Variants in PPM1E observed in about 807,000 individuals in gnomAD.
PPM1E encodes protein phosphatase 1E.
In PPM1E, 20 loss-of-function variants were observed where a neutral mutation model predicts 65.9. The observed-to-expected ratio is 0.30, with a 90% confidence interval of 0.21 to 0.44. PPM1E has a LOEUF of 0.44. Ranked by LOEUF, PPM1E falls within the 20% of genes least tolerant of loss-of-function variation. The pLI is 1.00. For missense variants in PPM1E, 713 were observed against 953.1 expected, an observed-to-expected ratio of 0.75 and a Z score of 3.32; for synonymous variants, 352 against 374.9, an observed-to-expected ratio of 0.94 and a Z score of 0.70.
At chr17:58,776,025 TTAAAAA>T (rs1338659472) in intron 1 of PPM1E, among the ~76,000 whole-genome samples, 1 of 150,690 alleles carries the variant, frequency 6.6e-6, no homozygotes, top group African/African-American at 2.4e-5. Flanking sequence ...GTCATTTAAC[TTAAAAA>T]TAAATAAATA....
chr17:58,969,984 G>A (rs1321694822), intron 4 of PPM1E, among the ~76,000 whole-genome samples: 4 of 152,168 alleles, frequency 2.6e-5, no homozygotes, highest in Admixed American at 2.6e-4. Context: ...TGCTGGATTT[G>A]GCAGGTGAGT....
At chr17:58,780,896 C>T (rs998643173) in intron 1 of PPM1E, among the ~76,000 whole-genome samples, 6 of 152,088 alleles carry the variant, frequency 3.9e-5, no homozygotes, top group Non-Finnish European at 4.4e-5. Context: ...GATACCACCA[C>T]GTATAAATAG....
chr17:58,910,520 A>AT lies in PPM1E; in HGVS notation c.465-45121dup, dbSNP rs1238702748. ...CTGATACTTGTTCTGTCTTTTCAAA[A>AT]TTTTTTTTGCTTTTAGTATGTCTTG... On this transcript the variant is annotated intron_variant, in intron 1 of 6. Coordinates refer to ENST00000308249, the MANE Select transcript of PPM1E (RefSeq NM_014906.5). 7.2e-5 allele frequency among the ~76,000 whole-genome samples: 11 copies of AT among 151,972 alleles called. No homozygotes were observed. The East Asian group carries it at 2.1e-3, about 29-fold the overall frequency.
chr17:58,957,444 A>AT (rs1326238589), intron 2 of PPM1E, among the ~76,000 whole-genome samples: 1 of 152,002 alleles, frequency 6.6e-6, no homozygotes, highest in Non-Finnish European at 1.5e-5. Flanking sequence ...CTGATTTTTT[A>AT]TTTTTCCAAG....
intron 1 of PPM1E, among the ~76,000 whole-genome samples, chr17:58,776,412 T>C (rs1475235053): frequency 6.6e-6 from 1 of 152,204 alleles, no homozygotes; most frequent in Non-Finnish European, 1.5e-5. Flanking sequence ...CATAATGGAT[T>C]CTTACGACAA....
At chr17:58,952,303 G>T (rs1163351440) in intron 1 of PPM1E, among the ~76,000 whole-genome samples, 1 of 152,148 alleles carries the variant, frequency 6.6e-6, no homozygotes, top group Non-Finnish European at 1.5e-5. Flanking sequence ...CTCTGGCTGG[G>T]GGCACATGTG....
At position 58,983,643 on chromosome 17, in the gene PPM1E, C is replaced by A. The variant is rs2031528307; in HGVS notation, c.*2612C>A. ...AGATATAAAAGTATCTATATAATAT[C>A]TATAAACTGTTAATGCTGAGGTATA... On this transcript the variant is annotated 3_prime_UTR_variant, in exon 7 of 7. Coordinates refer to ENST00000308249, the MANE Select transcript of PPM1E (RefSeq NM_014906.5). 1 of 152,554 alleles carries A rather than the reference C, an allele frequency of 6.6e-6. No individual in the cohort carries two copies. Among genetic ancestry groups the A allele is most frequent in the Non-Finnish European group, 1.5e-5 (1 of 68,018 alleles). 9.5% of individuals were successfully genotyped at this position (152,554 alleles called of 1,614,324 possible).
chr17:58,759,305 C>G (rs1332400299), intron 1 of PPM1E, among the ~76,000 whole-genome samples: 1 of 152,038 alleles, frequency 6.6e-6, no homozygotes, highest in Non-Finnish European at 1.5e-5. Flanking sequence ...TTTAAATCCC[C>G]CAAGAGATTA....
intron 1 of PPM1E, among the ~76,000 whole-genome samples, chr17:58,895,584 A>C (rs1230734960): frequency 6.6e-6 from 1 of 152,096 alleles, no homozygotes; most frequent in Non-Finnish European, 1.5e-5. Flanking sequence ...AAGTGGGAAG[A>C]TCACTTGAGC....
intron 1 of PPM1E, among the ~76,000 whole-genome samples, chr17:58,931,954 C>CT (rs2051905718): frequency 6.6e-6 from 1 of 152,146 alleles, no homozygotes; most frequent in East Asian, 1.9e-4. Context: ...GTTATAAACT[C>CT]TGACAGTGTA....
chr17:58,958,697 G>A (rs944444865), intron 2 of PPM1E, among the ~76,000 whole-genome samples: 1 of 151,786 alleles, frequency 6.6e-6, no homozygotes, highest in Non-Finnish European at 1.5e-5. Flanking sequence ...CCTCACAAAA[G>A]GCCATGGAGT....
chr17:58,799,279 A>G (rs1336465042), intron 1 of PPM1E, among the ~76,000 whole-genome samples: 1 of 150,682 alleles, frequency 6.6e-6, no homozygotes, highest in African/African-American at 2.4e-5. Flanking sequence ...GTAATTTCAC[A>G]TTAAGTCTTT....
intron 1 of PPM1E, among the ~76,000 whole-genome samples, chr17:58,825,905 T>G (rs974389358): frequency 3.3e-5 from 5 of 152,140 alleles, no homozygotes; most frequent in African/African-American, 1.2e-4. Flanking sequence ...TTTTACTACA[T>G]TTTAATATTT....
At chr17:58,796,766 A>G (rs1028247305) in intron 1 of PPM1E, among the ~76,000 whole-genome samples, 2 of 152,150 alleles carry the variant, frequency 1.3e-5, no homozygotes, top group East Asian at 1.9e-4. Context: ...CACATCTTCT[A>G]TATGTTTATA....
chr17:58,787,705 A>C (rs534037799), intron 1 of PPM1E, among the ~76,000 whole-genome samples: 1 of 152,112 alleles, frequency 6.6e-6, no homozygotes, highest in Admixed American at 6.5e-5. Context: ...TCAGGAGATG[A>C]GACCATCCTG....
At chr17:58,955,872 C>T (rs2029872449) in intron 2 of PPM1E, 105 bp downstream of exon 2, 2 of 1,307,436 alleles carry the variant, frequency 1.5e-6, no homozygotes, top group Non-Finnish European at 2.0e-6. Context: ...CATTTACCTG[C>T]TGGTTGTTTA....
At chr17:58,930,251 A>ACACACG (rs56142917) in intron 1 of PPM1E, among the ~76,000 whole-genome samples, 1 of 93,832 alleles carries the variant, frequency 1.1e-5, no homozygotes, top group Non-Finnish European at 2.3e-5. Flanking sequence ...AAATGTATAT[A>ACACACG]CACACACACA....
intron 1 of PPM1E, among the ~76,000 whole-genome samples, chr17:58,764,779 A>G (rs574802985): frequency 6.6e-6 from 1 of 152,028 alleles, no homozygotes; most frequent in Non-Finnish European, 1.5e-5. Context: ...TTTTTTGTAG[A>G]GATGAGGTTT....
chr17:58,854,291 G>T (rs972608258), intron 1 of PPM1E, among the ~76,000 whole-genome samples: 14 of 152,098 alleles, frequency 9.2e-5, no homozygotes, highest in Admixed American at 8.5e-4. Context: ...GTTCTAATAG[G>T]TGTGTGTGTA....
Sources: allele counts gnomAD v4.1 joint callset (sites outside exome capture counted in the v4.1 genomes callset), GRCh38; gene constraint gnomAD v4.1.1; transcripts MANE v1.5; gene names NCBI Gene and HGNC (gene_info 2026-07-23, HGNC 2026-07-21).